C1QTNF9: variants seen among roughly 807,000 people sequenced by gnomAD.
C1QTNF9 encodes complement C1q and tumor necrosis factor-related protein 9A.
In C1QTNF9, 6 loss-of-function variants were observed where a neutral mutation model predicts 10.1. That is an observed-to-expected ratio of 0.59 (90% CI 0.32 to 1.17). The LOEUF (loss-of-function observed/expected upper bound fraction) is 1.17, where lower values mean the gene tolerates loss of function less well. Ranked by LOEUF, C1QTNF9 falls within the 50% of genes most tolerant of loss-of-function variation. The pLI, the probability that C1QTNF9 is intolerant of heterozygous loss-of-function variation, is 0.04. For synonymous variants in C1QTNF9, 98 were observed against 163.5 expected (o/e 0.60, Z 3.06); for missense variants, 201 against 418.8 (o/e 0.48, Z 4.54).
intron 3 of C1QTNF9, among the ~76,000 whole-genome samples, chr13:24,319,350 G>A (rs1878159985): frequency 6.6e-6 from 1 of 152,038 alleles, no homozygotes; most frequent in African/African-American, 2.4e-5. Flanking sequence ...ACCACCCTGG[G>A]CAACATAGTA....
upstream of C1QTNF9, among the ~76,000 whole-genome samples, chr13:24,308,310 T>A (rs574657808): frequency 1.3e-5 from 2 of 152,166 alleles, no homozygotes; most frequent in East Asian, 3.9e-4. Flanking sequence ...GCGCGTTCCG[T>A]CGGGGCCGCC....
intron 1 of C1QTNF9, among the ~76,000 whole-genome samples, chr13:24,314,520 TA>T (rs1565955481): frequency 6.6e-6 from 1 of 152,102 alleles, no homozygotes; most frequent in East Asian, 1.9e-4. Context: ...CCGTCTCTAC[TA>T]AAAATACAAA....
exon 4 of C1QTNF9, chr13:24,321,866 CAAT>C: frequency 2.9e-6 from 4 of 1,388,758 alleles, no homozygotes; most frequent in Non-Finnish European, 2.9e-6. Context: ...CCAATTATTA[CAAT>C]AATCATAAAA....
At chr13:24,312,758 C>T (rs1031104173) in intron 1 of C1QTNF9, among the ~76,000 whole-genome samples, 1 of 151,720 alleles carries the variant, frequency 6.6e-6, no homozygotes, top group African/African-American at 2.4e-5. Context: ...AAATCGAGAC[C>T]ATCCTGGCTA....
intron 1 of C1QTNF9, among the ~76,000 whole-genome samples, chr13:24,309,959 G>C (rs184005380): frequency 1.3e-5 from 2 of 152,230 alleles, no homozygotes; most frequent in African/African-American, 4.8e-5. Context: ...GCAGTGTCAT[G>C]ATTTCAGCTC....
At chr13:24,308,457 G>A (rs1202018811), upstream of C1QTNF9, among the ~76,000 whole-genome samples, 1 of 152,314 alleles carries the variant, frequency 6.6e-6, no homozygotes, top group Admixed American at 6.5e-5. Flanking sequence ...GCGGGGTGCC[G>A]GGGAGAAGCC....
rs367604137 is a variant in C1QTNF9 at position 24,313,538 on chromosome 13, C to G, written c.-22-2444C>G. Among the ~76,000 whole-genome samples, 15 of 152,324 alleles carry G rather than the reference C, an allele frequency of 9.8e-5. No homozygotes were observed. In the East Asian group the frequency reaches 2.7e-3, roughly 27 times the overall value. ...CGTGTATATTCTTCATGGAATTTGG[C>G]TCCAAGAAAACTCAACTCAATTTCC... is the stretch of plus-strand genomic sequence containing the variant. On this transcript the variant is annotated intron_variant, in intron 1 of 3. Transcript: ENST00000332018.
chr13:24,316,084 C>T (rs1878014814), exon 2 of C1QTNF9: 2 of 1,613,146 alleles, frequency 1.2e-6, no homozygotes, highest in South Asian at 1.1e-5. Flanking sequence ...GGCAAGGGCA[C>T]CCTGGAATCC....
chr13:24,311,387 C>A (rs1402377660), intron 1 of C1QTNF9, among the ~76,000 whole-genome samples: 2 of 152,242 alleles, frequency 1.3e-5, no homozygotes, highest in African/African-American at 2.4e-5. Flanking sequence ...TATTTGCAGT[C>A]TGTGTCCCTT....
upstream of C1QTNF9, among the ~76,000 whole-genome samples, chr13:24,308,786 G>A (rs752511311): frequency 7.9e-5 from 12 of 152,224 alleles, no homozygotes; most frequent in Non-Finnish European, 1.5e-4. Context: ...TGCTCCTGCT[G>A]CGTGCACTGC....
upstream of C1QTNF9, among the ~76,000 whole-genome samples, chr13:24,307,779 G>A (rs1877654882): frequency 6.6e-6 from 1 of 152,228 alleles, no homozygotes; most frequent in Admixed American, 6.5e-5. Context: ...GTTGTGGGGA[G>A]ATGACCGTTA....
At chr13:24,309,576 T>A (rs1877733437), upstream of C1QTNF9, 1 of 152,232 alleles carries the variant, frequency 6.6e-6, no homozygotes, top group African/African-American at 2.4e-5. Context: ...GATTCTTGGT[T>A]TGCACAGTAT....
At chr13:24,311,682 C>G (rs544176945) in intron 1 of C1QTNF9, among the ~76,000 whole-genome samples, 3 of 152,276 alleles carry the variant, frequency 2.0e-5, no homozygotes, top group Non-Finnish European at 4.4e-5. Flanking sequence ...AGGATGTGGG[C>G]TCAGCTGTGT....
exon 4 of C1QTNF9, chr13:24,321,441 G>A: frequency 6.2e-7 from 1 of 1,612,960 alleles, no homozygotes. Flanking sequence ...AATTTGATAA[G>A]ATCCTGTATA....
At chr13:24,310,727 C>A (rs1375696982) in intron 1 of C1QTNF9, among the ~76,000 whole-genome samples, 24 of 151,334 alleles carry the variant, frequency 1.6e-4, no homozygotes, top group Non-Finnish European at 2.7e-4. Context: ...TCCTGGCTAA[C>A]AAGGTGAAAC....
chr13:24,314,032 G>A (rs1190587559), intron 1 of C1QTNF9, among the ~76,000 whole-genome samples: 2 of 152,068 alleles, frequency 1.3e-5, no homozygotes, highest in Admixed American at 1.3e-4. Context: ...ACCTGTTATA[G>A]ATAATGCTGC....
rs749817437 is a variant in C1QTNF9 at position 24,318,794 on chromosome 13, C to G, written c.167-24C>G. 15 of 1,614,122 alleles carry G rather than the reference C, an allele frequency of 9.3e-6. No individual in the cohort carries two copies. The East Asian group carries it at 3.1e-4, about 34-fold the overall frequency. On this transcript the variant is annotated intron_variant, in intron 2 of 3. Transcript: ENST00000332018. ...ATCAGAAATGGAATTTCAACTCATGCCTGTTTTCTGCTTTTCCACCTAGGA... is the reference window on the plus strand; with the variant it reads ...ATCAGAAATGGAATTTCAACTCATGGCTGTTTTCTGCTTTTCCACCTAGGA...
chr13:24,307,752 C>T (rs1401884039), upstream of C1QTNF9, among the ~76,000 whole-genome samples: 5 of 152,230 alleles, frequency 3.3e-5, no homozygotes, highest in Non-Finnish European at 7.3e-5. Context: ...ATGGGGGTGG[C>T]ATTTTCTTCC....
chr13:24,312,871 T>C (rs187929985), intron 1 of C1QTNF9, among the ~76,000 whole-genome samples: 58 of 148,308 alleles, frequency 3.9e-4, no homozygotes, highest in South Asian at 2.1e-4. Flanking sequence ...AGGAGAATGG[T>C]GCGAACCCGG....
Sources: allele counts gnomAD v4.1 joint callset (sites outside exome capture counted in the v4.1 genomes callset), GRCh38; gene constraint gnomAD v4.1.1; transcripts MANE v1.5; gene names NCBI Gene and HGNC (gene_info 2026-07-23, HGNC 2026-07-21).